Variants in KLF17 observed in about 807,000 individuals in gnomAD.
The protein encoded by KLF17 is Krueppel-like factor 17.
A neutral mutation model predicts 34.2 loss-of-function variants in KLF17; 31 were observed. That is an observed-to-expected ratio of 0.91 (90% CI 0.68 to 1.22). The LOEUF (loss-of-function observed/expected upper bound fraction) is 1.22, where lower values mean the gene tolerates loss of function less well. Among genes scored for constraint, KLF17 ranks in the 50% most tolerant of loss-of-function variants. The pLI, the probability that KLF17 is intolerant of heterozygous loss-of-function variation, is 0.00. For synonymous variants in KLF17, 179 were observed against 186.7 expected, an observed-to-expected ratio of 0.96 and a Z score of 0.34; for missense variants, 478 against 505.2, an observed-to-expected ratio of 0.95 and a Z score of 0.52.
At chr1:44,130,340 A>G in intron 2 of KLF17, 144 bp downstream of exon 2, 2 of 1,416,930 alleles carry the variant, frequency 1.4e-6, no homozygotes, top group East Asian at 2.3e-5. Flanking sequence ...GACTTGCCAT[A>G]CAGGAGGACT....
At chr1:44,127,535 C>CTCCTTCCT (rs758472075) in intron 1 of KLF17, among the ~76,000 whole-genome samples, 2 of 147,868 alleles carry the variant, frequency 1.4e-5, no homozygotes, top group Non-Finnish European at 1.5e-5. Flanking sequence ...CCCTCCTTCC[C>CTCCTTCCT]TCCTTCCTTC....
the KLF17 span, among the ~76,000 whole-genome samples, chr1:44,099,055 G>C: frequency 1.3e-5 from 2 of 151,302 alleles, no homozygotes; most frequent in African/African-American, 4.9e-5. Context: ...CATGAAAAAA[G>C]CAAAGTGCAA....
At chr1:44,076,911 T>C in the KLF17 span, 1 of 150,408 alleles carries the variant, frequency 6.6e-6, no homozygotes, top group South Asian at 2.1e-4. Flanking sequence ...TTTTTTTTTT[T>C]TTTCCCATAG....
chr1:44,080,374 G>A, the KLF17 span, among the ~76,000 whole-genome samples: 1 of 151,768 alleles, frequency 6.6e-6, no homozygotes, highest in African/African-American at 2.4e-5. Context: ...GAGTAGCTGG[G>A]ACTGCAGGCG....
the KLF17 span, among the ~76,000 whole-genome samples, chr1:44,096,718 AT>A: frequency 6.6e-6 from 1 of 151,762 alleles, no homozygotes; most frequent in Non-Finnish European, 1.5e-5. Context: ...TTAAAAAAAA[AT>A]TTTTTTAATT....
At chr1:44,073,257 A>G in the KLF17 span, among the ~76,000 whole-genome samples, 2 of 141,516 alleles carry the variant, frequency 1.4e-5, no homozygotes, top group Admixed American at 1.5e-4. Flanking sequence ...CCCAGGTTGG[A>G]GTGCAATGGT....
intron 1 of KLF17, among the ~76,000 whole-genome samples, chr1:44,127,728 TTCTTC>T (rs1233547365): frequency 6.1e-5 from 9 of 146,958 alleles, no homozygotes; most frequent in African/African-American, 2.3e-4. Context: ...TTTTCTTTCT[TTCTTC>T]TCTTTTCTTT....
chr1:44,099,306 A>G, the KLF17 span, among the ~76,000 whole-genome samples: 1 of 152,072 alleles, frequency 6.6e-6, no homozygotes, highest in African/African-American at 2.4e-5. Flanking sequence ...TGGAAGACTA[A>G]GGTGGGAGGA....
the KLF17 span, among the ~76,000 whole-genome samples, chr1:44,078,625 A>G: frequency 2.0e-5 from 3 of 151,980 alleles, no homozygotes; most frequent in African/African-American, 7.3e-5. Context: ...TTTGGTAGAG[A>G]CAGGGTTTCA....
rs1189044353 is a variant in KLF17 at position 44,135,108 on chromosome 1, T to A, written c.*1871T>A. 6.6e-6 allele frequency: 1 copy of A among 152,106 alleles called. No homozygotes were observed. The highest frequency in any genetic ancestry group is 1.5e-5 in the Non-Finnish European group (1 of 68,018). The allele number at this position is 152,106 out of a possible 1,614,324, so 9.4% of individuals were successfully genotyped here. A position where few individuals can be genotyped will look rare whatever the true frequency, so the allele number is the denominator to read the frequency against. On this transcript the variant is annotated 3_prime_UTR_variant, in exon 4 of 4. Coordinates refer to ENST00000372299, the MANE Select transcript of KLF17 (RefSeq NM_173484.4). ...CCAGGAGTTTGAGACCAGTGTGACC[T>A]TGTCTCTGTAAAAAATAAAATTAAA...
intron 1 of KLF17, among the ~76,000 whole-genome samples, chr1:44,121,077 A>G (rs1383947701): frequency 6.6e-5 from 10 of 152,182 alleles, no homozygotes; most frequent in African/African-American, 1.4e-4. Flanking sequence ...TTTTCTCTAT[A>G]GCCAAAACCA....
chr1:44,098,708 G>A, the KLF17 span, among the ~76,000 whole-genome samples: 3 of 151,290 alleles, frequency 2.0e-5, no homozygotes, highest in East Asian at 1.9e-4. Flanking sequence ...CCACCACCAC[G>A]CCTGGCTAAT....
the KLF17 span, chr1:44,061,143 G>A: frequency 6.6e-6 from 1 of 152,174 alleles, no homozygotes; most frequent in African/African-American, 2.4e-5. Context: ...TCCAGGTAAA[G>A]ACAATCCTTG....
At chr1:44,117,720 C>T (rs181425160), upstream of KLF17, among the ~76,000 whole-genome samples, 1 of 151,774 alleles carries the variant, frequency 6.6e-6, no homozygotes, top group Admixed American at 6.6e-5. Context: ...GTCTCAAACT[C>T]CTGACCTCAA....
the KLF17 span, among the ~76,000 whole-genome samples, chr1:44,100,217 C>G: frequency 1.3e-5 from 2 of 149,260 alleles, no homozygotes; most frequent in Non-Finnish European, 3.0e-5. Context: ...GAGATCACGC[C>G]ACTGAACTCT....
the KLF17 span, among the ~76,000 whole-genome samples, chr1:44,092,699 G>A: frequency 1.2e-4 from 18 of 151,450 alleles, 2 homozygotes; most frequent in African/African-American, 4.4e-4. Flanking sequence ...GAACTCTTAG[G>A]CTCAAGCAAT....
At chr1:44,103,335 A>AC in the KLF17 span, 1 of 307,168 alleles carries the variant, frequency 3.3e-6, no homozygotes, top group Non-Finnish European at 6.0e-6. Context: ...AAGGACTCGG[A>AC]CACCGGACTC....
the KLF17 span, among the ~76,000 whole-genome samples, chr1:44,054,478 C>CT: frequency 0.31 from 31,273 of 100,148 alleles, 6,399 homozygotes; most frequent in African/African-American, 0.45. Context: ...ATCAGTGTGC[C>CT]TTTTTTTTTT....
chr1:44,067,559 C>T, the KLF17 span, among the ~76,000 whole-genome samples: 2 of 152,156 alleles, frequency 1.3e-5, no homozygotes, highest in African/African-American at 4.8e-5. Context: ...TGTGTGGATA[C>T]TGTCTTCAGC....
Sources: gnomAD v4.1 joint callset for allele counts (sites outside exome capture counted in the v4.1 genomes callset) on GRCh38, gnomAD v4.1.1 for gene constraint, MANE v1.5 for transcripts, NCBI Gene and HGNC (gene_info 2026-07-23, HGNC 2026-07-21) for gene names.